SGCZ: variants seen among roughly 807,000 people sequenced by gnomAD.
The protein encoded by SGCZ is sarcoglycan zeta.
A neutral mutation model predicts 41.3 loss-of-function variants in SGCZ; 40 were observed. That is an observed-to-expected ratio of 0.97 (90% CI 0.75 to 1.26). The LOEUF (loss-of-function observed/expected upper bound fraction) is 1.26, where lower values mean the gene tolerates loss of function less well. Ranked by LOEUF, SGCZ falls within the 50% of genes most tolerant of loss-of-function variation. SGCZ has a pLI of 0.00. For synonymous variants in SGCZ, 206 were observed against 137.5 expected (o/e 1.50, Z -3.49); for missense variants, 552 against 369.8 (o/e 1.49, Z -4.04).
At chr8:14,797,985 C>T (rs1287500978) in intron 1 of SGCZ, among the ~76,000 whole-genome samples, 1 of 152,156 alleles carries the variant, frequency 6.6e-6, no homozygotes, top group East Asian at 1.9e-4. Context: ...TAGGGAAATA[C>T]CTGCATGTCT....
chr8:14,614,057 T>G (rs1180711811), intron 1 of SGCZ, among the ~76,000 whole-genome samples: 2 of 152,168 alleles, frequency 1.3e-5, no homozygotes, highest in Admixed American at 1.3e-4. Flanking sequence ...CACACTCATT[T>G]GAAAGCATAC....
chr8:15,039,055 T>C (rs1187129686), intron 1 of SGCZ, among the ~76,000 whole-genome samples: 2 of 152,064 alleles, frequency 1.3e-5, no homozygotes, highest in Admixed American at 6.6e-5. Flanking sequence ...ATGGCCACTA[T>C]GGAAAACAGT....
intron 1 of SGCZ, among the ~76,000 whole-genome samples, chr8:15,232,675 G>GTATA (rs34496062): frequency 6.8e-5 from 8 of 117,496 alleles, no homozygotes; most frequent in African/African-American, 1.9e-4. Flanking sequence ...ATATGTGTGT[G>GTATA]TATATATATA....
chr8:14,356,874 A>T (rs1237693293), intron 2 of SGCZ, among the ~76,000 whole-genome samples: 1 of 152,086 alleles, frequency 6.6e-6, no homozygotes, highest in Admixed American at 6.6e-5. Context: ...ATTTGTTTTT[A>T]GATTCAGAAA....
At chr8:14,625,389 T>C (rs1806421434) in intron 1 of SGCZ, among the ~76,000 whole-genome samples, 2 of 152,152 alleles carry the variant, frequency 1.3e-5, no homozygotes, top group Non-Finnish European at 2.9e-5. Context: ...ACAAATTGTA[T>C]TCTCACGTAA....
At chr8:14,756,124 G>T (rs760353106) in intron 1 of SGCZ, among the ~76,000 whole-genome samples, 5 of 151,832 alleles carry the variant, frequency 3.3e-5, no homozygotes, top group Non-Finnish European at 5.9e-5. Flanking sequence ...GAGAAATAAA[G>T]GATAGGCTGG....
chr8:14,397,446 G>A (rs1234885402), intron 2 of SGCZ, among the ~76,000 whole-genome samples: 3 of 151,082 alleles, frequency 2.0e-5, no homozygotes, highest in Admixed American at 2.0e-4. Context: ...TTTCTATTTT[G>A]TGCATTACCA....
chr8:14,320,388 G>T (rs1217531997), intron 3 of SGCZ, among the ~76,000 whole-genome samples: 1 of 151,608 alleles, frequency 6.6e-6, no homozygotes, highest in Admixed American at 6.6e-5. Flanking sequence ...AATCAGGAAA[G>T]ACATTTGCTG....
At chr8:14,874,155 T>A (rs1333678115) in intron 1 of SGCZ, among the ~76,000 whole-genome samples, 1 of 152,160 alleles carries the variant, frequency 6.6e-6, no homozygotes, top group Non-Finnish European at 1.5e-5. Context: ...TTCATATTCT[T>A]CTAGTTATAA....
intron 4 of SGCZ, among the ~76,000 whole-genome samples, chr8:14,203,557 AT>A (rs1805523853): frequency 6.6e-6 from 1 of 152,092 alleles, no homozygotes; most frequent in African/African-American, 2.4e-5. Context: ...CTTTTATATA[AT>A]TTTCTTGCCA....
At chr8:15,176,546 G>T (rs1020296085) in intron 1 of SGCZ, among the ~76,000 whole-genome samples, 1 of 152,110 alleles carries the variant, frequency 6.6e-6, no homozygotes, top group Non-Finnish European at 1.5e-5. Context: ...AAGAGCCATG[G>T]AAATTTGAAA....
At position 14,727,592 on chromosome 8, in the gene SGCZ, G is replaced by A. The variant is rs78890332; in HGVS notation, c.40-172666C>T. 3.1e-3 allele frequency among the ~76,000 whole-genome samples: 465 copies of A among 151,082 alleles called. 4 individuals carry two copies. The highest frequency in any genetic ancestry group is 0.011 in the African/African-American group (441 of 41,062). On this transcript the variant is annotated intron_variant, in intron 1 of 7. Coordinates refer to ENST00000382080, the MANE Select transcript of SGCZ (RefSeq NM_139167.4). ...GTGGCCAGATCTGAGCTCACCACAAGCTCCGCCTCCCGGATTCACGCCATT... is the reference window on the plus strand; with the variant it reads ...GTGGCCAGATCTGAGCTCACCACAAACTCCGCCTCCCGGATTCACGCCATT...
intron 2 of SGCZ, among the ~76,000 whole-genome samples, chr8:14,487,033 G>T (rs1265513104): frequency 6.6e-6 from 1 of 152,088 alleles, no homozygotes; most frequent in Admixed American, 6.5e-5. Flanking sequence ...GAACAGTGAC[G>T]TGTTCACACT....
intron 1 of SGCZ, among the ~76,000 whole-genome samples, chr8:15,055,617 C>A (rs1444142171): frequency 1.3e-5 from 2 of 152,200 alleles, no homozygotes; most frequent in African/African-American, 4.8e-5. Context: ...CTGGGACCCC[C>A]TTTGCCAAAG....
intron 1 of SGCZ, among the ~76,000 whole-genome samples, chr8:14,951,300 A>G (rs1002114652): frequency 5.2e-4 from 79 of 152,068 alleles, no homozygotes; most frequent in African/African-American, 1.9e-3. Context: ...CATTAAGAAC[A>G]TTCTAAAATT....
intron 4 of SGCZ, among the ~76,000 whole-genome samples, chr8:14,214,859 A>G (rs927306215): frequency 2.6e-5 from 4 of 152,164 alleles, no homozygotes; most frequent in African/African-American, 9.6e-5. Context: ...AATCTTCACA[A>G]TATATGAAGT....
Position 14,108,240 on chromosome 8 carries a change from G to A in SGCZ, c.548-5C>T, listed in dbSNP as rs1256914438. ...CAAATACGGCTCCTTCAGTGCCTGG[G>A]GGTAGCATGAATATAGCAGTCAGTA... On this transcript the variant is annotated splice_polypyrimidine_tract_variant and splice_region_variant and intron_variant, in intron 5 of 7. Coordinates refer to ENST00000382080, the MANE Select transcript of SGCZ (RefSeq NM_139167.4). The A allele has an allele frequency of 6.8e-6, 11 of 1,613,944 alleles. No homozygotes were observed. The highest frequency in any genetic ancestry group is 4.4e-5 in the South Asian group (4 of 91,080).
In SGCZ at chr8:14,595,408, C is replaced by CAG. The variant is rs777452030; in HGVS notation, c.40-40483_40-40482insCT. On this transcript the variant is annotated intron_variant, in intron 1 of 7. Coordinates refer to ENST00000382080, the MANE Select transcript of SGCZ (RefSeq NM_139167.4). The stretch of plus-strand genomic sequence containing the variant: ...AATGCCTAACATGCACAAACACACA[C>CAG]ACACACACACACACACACACACACA... 4.5e-3 allele frequency among the ~76,000 whole-genome samples: 554 copies of CAG among 123,646 alleles called. 9 individuals carry two copies. In the East Asian group the frequency reaches 0.12, roughly 27 times the overall value. 81.1% of individuals were successfully genotyped at this position (123,646 alleles called of 152,430 possible).
chr8:14,511,072 T>C (rs562822293), intron 2 of SGCZ, among the ~76,000 whole-genome samples: 1 of 152,110 alleles, frequency 6.6e-6, no homozygotes, highest in African/African-American at 2.4e-5. Context: ...CCCAAATCAC[T>C]AGGTGAATTT....
Sources: allele counts gnomAD v4.1 joint callset (sites outside exome capture counted in the v4.1 genomes callset), GRCh38; gene constraint gnomAD v4.1.1; transcripts MANE v1.5; gene names NCBI Gene and HGNC (gene_info 2026-07-23, HGNC 2026-07-21).